The following NRXN1 variants were observed in gnomAD, a reference collection of about 807,000 sequenced individuals.
The protein encoded by NRXN1 is neurexin-1.
Under a neutral mutation model 150.9 loss-of-function variants are expected in NRXN1, and 39 were observed. The ratio of observed to expected loss-of-function variants is 0.26; its 90% CI spans 0.20 to 0.34. The LOEUF is 0.34. NRXN1 is among the 10% of genes least tolerant of loss of function. NRXN1 has a pLI of 1.00. For synonymous variants in NRXN1, 924 were observed against 757.0 expected, an observed-to-expected ratio of 1.22 and a Z score of -3.62; for missense variants, 1,815 against 1,949.9, an observed-to-expected ratio of 0.93 and a Z score of 1.30.
At chr2:50,453,969 G>A (rs1400542301) in intron 17 of NRXN1, among the ~76,000 whole-genome samples, 1 of 152,172 alleles carries the variant, frequency 6.6e-6, no homozygotes, top group African/African-American at 2.4e-5. Flanking sequence ...TGGGAAAAAA[G>A]TAAAGTGACC....
intron 18 of NRXN1, among the ~76,000 whole-genome samples, chr2:50,098,830 GTTTTTTTTTTTTTTTTTTTTTTTTTT>G (rs746736925): frequency 1.8e-4 from 19 of 105,532 alleles, no homozygotes; most frequent in Admixed American, 3.3e-4. Flanking sequence ...TTTGGTTTTA[GTTTTTTTTTTTTTTTTTTTTTTTTTT>G]TTTTTTTTTT....
intron 17 of NRXN1, among the ~76,000 whole-genome samples, chr2:50,445,612 C>T (rs1043091809): frequency 7.9e-5 from 12 of 152,154 alleles, no homozygotes; most frequent in Non-Finnish European, 1.0e-4. Flanking sequence ...ATCTTTGTAT[C>T]CTTAGTGTAT....
intron 8 of NRXN1, among the ~76,000 whole-genome samples, chr2:50,593,212 A>C (rs1047460581): frequency 2.0e-5 from 3 of 152,194 alleles, no homozygotes; most frequent in South Asian, 2.1e-4. Flanking sequence ...GGGATAAATA[A>C]GGTTACCCAA....
chr2:50,775,256 A>G (rs1179996809), intron 5 of NRXN1, among the ~76,000 whole-genome samples: 1 of 152,134 alleles, frequency 6.6e-6, no homozygotes, highest in Non-Finnish European at 1.5e-5. Flanking sequence ...TAACAGTAGC[A>G]GACAGAATTG....
chr2:50,802,094 C>A (rs1030119984), intron 5 of NRXN1, among the ~76,000 whole-genome samples: 1 of 152,128 alleles, frequency 6.6e-6, no homozygotes, highest in Non-Finnish European at 1.5e-5. Context: ...TAAAGAATTA[C>A]AAGGCCTTCT....
intron 5 of NRXN1, among the ~76,000 whole-genome samples, chr2:50,740,502 A>T (rs1489463121): frequency 7.9e-5 from 12 of 152,172 alleles, no homozygotes; most frequent in Non-Finnish European, 1.5e-5. Context: ...GGAGTTGTCA[A>T]ACTACCTGAG....
At chr2:50,157,497 A>G (rs1187375672) in intron 18 of NRXN1, among the ~76,000 whole-genome samples, 1 of 152,054 alleles carries the variant, frequency 6.6e-6, no homozygotes, top group Admixed American at 6.6e-5. Context: ...GCAGAATGTG[A>G]CCAATTCTTA....
At chr2:50,098,627 C>CTCCTTGGAAACTTA (rs1700555405) in intron 18 of NRXN1, among the ~76,000 whole-genome samples, 1 of 152,086 alleles carries the variant, frequency 6.6e-6, no homozygotes, top group South Asian at 2.1e-4. Context: ...TTGTCTCTAT[C>CTCCTTGGAAACTTA]TCCTTGGAAA....
intron 21 of NRXN1, among the ~76,000 whole-genome samples, chr2:50,031,942 T>C (rs1466698650): frequency 6.6e-6 from 1 of 151,954 alleles, no homozygotes. Context: ...ATATATAAAT[T>C]CTGAGAAATT....
At chr2:50,642,460 A>G (rs1004392297) in intron 5 of NRXN1, among the ~76,000 whole-genome samples, 5 of 152,060 alleles carry the variant, frequency 3.3e-5, no homozygotes, top group Admixed American at 1.3e-4. Context: ...GAGGTGAGAA[A>G]TAAAATTAAT....
intron 15 of NRXN1, among the ~76,000 whole-genome samples, chr2:50,476,042 A>G (rs2089961708): frequency 6.6e-6 from 1 of 152,146 alleles, no homozygotes. Context: ...CTCTTCTTCA[A>G]AATGAGTGGC....
Position 50,689,854 on chromosome 2 carries a change from T to TTGTGTGTG in NRXN1, c.833-66247_833-66240dup, listed in dbSNP as rs796892350. On this transcript the variant is annotated intron_variant, in intron 5 of 22. Transcript: ENST00000401669. ...CATCAGCTTGTTTTTTTTTGCTTAT[T>TTGTGTGTG]TGTGTGTGTGTGTGTGTGTGTGTGT... Among the ~76,000 whole-genome samples the TTGTGTGTG allele has an allele frequency of 3.6e-3, 481 of 135,330 alleles. 4 individuals carry two copies. The highest frequency in any genetic ancestry group is 9.5e-3 in the South Asian group (38 of 3,982). The allele number at this position is 135,330 out of a possible 152,430, so 88.8% of individuals were successfully genotyped here.
chr2:50,572,394 G>C (rs1263745276), intron 8 of NRXN1, among the ~76,000 whole-genome samples: 1 of 152,144 alleles, frequency 6.6e-6, no homozygotes, highest in Non-Finnish European at 1.5e-5. Context: ...GTCTGATCTA[G>C]CTCCTTCTGT....
intron 5 of NRXN1, among the ~76,000 whole-genome samples, chr2:50,828,251 G>T (rs943160166): frequency 6.7e-6 from 1 of 149,630 alleles, no homozygotes; most frequent in Non-Finnish European, 1.5e-5. Context: ...TCCCGGACGG[G>T]GCGGCTGGCC....
chr2:50,098,830 G>GTTTTTTTTTTTTTTTTTTTTTGTTTTTTT (rs1700591606), intron 18 of NRXN1, among the ~76,000 whole-genome samples: 1 of 105,542 alleles, frequency 9.5e-6, no homozygotes, highest in Non-Finnish European at 1.9e-5. Context: ...TTTGGTTTTA[G>GTTTTTTTTTTTTTTTTTTTTTGTTTTTTT]TTTTTTTTTT....
At chr2:50,049,789 G>C (rs1366120064) in intron 21 of NRXN1, among the ~76,000 whole-genome samples, 1 of 152,020 alleles carries the variant, frequency 6.6e-6, no homozygotes, top group Non-Finnish European at 1.5e-5. Context: ...GGAACATTTA[G>C]CAGCCAAAAA....
chr2:50,036,292 G>T (rs1452004644), intron 21 of NRXN1, among the ~76,000 whole-genome samples: 1 of 152,066 alleles, frequency 6.6e-6, no homozygotes, highest in African/African-American at 2.4e-5. Context: ...CCTTCCTGCT[G>T]CCTTGTGAAG....
At chr2:50,375,740 G>A (rs1205196946) in intron 17 of NRXN1, among the ~76,000 whole-genome samples, 2 of 151,466 alleles carry the variant, frequency 1.3e-5, no homozygotes, top group Non-Finnish European at 2.9e-5. Context: ...AAGTAATAAT[G>A]CGATATGATA....
At chr2:50,187,803 T>C (rs1162021260) in intron 18 of NRXN1, among the ~76,000 whole-genome samples, 1 of 152,142 alleles carries the variant, frequency 6.6e-6, no homozygotes, top group Admixed American at 6.6e-5. Flanking sequence ...TTCACATCCC[T>C]TGTAAGTTGG....
Sources: allele counts gnomAD v4.1 joint callset (sites outside exome capture counted in the v4.1 genomes callset), GRCh38; gene constraint gnomAD v4.1.1; transcripts MANE v1.5; gene names NCBI Gene and HGNC (gene_info 2026-07-23, HGNC 2026-07-21).